Variants in GRIK2 observed in about 807,000 individuals in gnomAD.
GRIK2 encodes glutamate ionotropic receptor kainate type subunit 2, also known as glutamate receptor ionotropic, kainate 2.
In GRIK2, 32 loss-of-function variants were observed where a neutral mutation model predicts 100.3. The ratio of observed to expected loss-of-function variants is 0.32; its 90% confidence interval spans 0.24 to 0.43. The LOEUF is 0.43. GRIK2 is among the 20% of genes least tolerant of loss of function. The pLI is 1.00. For missense variants in GRIK2, 843 were observed against 1,114.9 expected (o/e 0.76, Z 3.47); for synonymous variants, 417 against 389.4 (o/e 1.07, Z -0.83).
chr6:101,963,979 C>A (rs1215043803), intron 14 of GRIK2, among the ~76,000 whole-genome samples: 1 of 151,738 alleles, frequency 6.6e-6, no homozygotes, highest in Non-Finnish European at 1.5e-5. Flanking sequence ...TGCACCACTG[C>A]TCTGGAGCTA....
chr6:101,560,708 A>G (rs1465289426), intron 2 of GRIK2, among the ~76,000 whole-genome samples: 1 of 81,452 alleles, frequency 1.2e-5, no homozygotes, highest in East Asian at 2.6e-4. Context: ...TGCCCTTTGT[A>G]TCAGTAAATT....
intron 2 of GRIK2, among the ~76,000 whole-genome samples, chr6:101,605,136 TG>T (rs752824687): frequency 4.1e-4 from 63 of 152,142 alleles, no homozygotes; most frequent in Non-Finnish European, 7.8e-4. Context: ...GCATATGTTG[TG>T]GCTGAAATAC....
chr6:101,745,973 T>C (rs1776396843), intron 7 of GRIK2, among the ~76,000 whole-genome samples: 1 of 152,198 alleles, frequency 6.6e-6, no homozygotes, highest in Non-Finnish European at 1.5e-5. Flanking sequence ...TTATTCAGAA[T>C]GTCAAGATAA....
intron 10 of GRIK2, among the ~76,000 whole-genome samples, chr6:101,845,500 T>A (rs1007532471): frequency 1.3e-5 from 2 of 152,204 alleles, no homozygotes; most frequent in African/African-American, 4.8e-5. Context: ...ACTTCAATAC[T>A]TTTATGATTA....
At chr6:101,765,801 G>A (rs7739324) in intron 7 of GRIK2, among the ~76,000 whole-genome samples, 1 of 152,036 alleles carries the variant, frequency 6.6e-6, no homozygotes, top group Non-Finnish European at 1.5e-5. Flanking sequence ...GGTTTCATCT[G>A]AGTGCATGTG....
intron 14 of GRIK2, among the ~76,000 whole-genome samples, chr6:102,029,929 A>G (rs1178113237): frequency 6.6e-6 from 1 of 151,268 alleles, no homozygotes; most frequent in African/African-American, 2.4e-5. Flanking sequence ...GTATCTACAT[A>G]CATATATATA....
chr6:101,982,877 G>A (rs1367929605), intron 14 of GRIK2, among the ~76,000 whole-genome samples: 1 of 151,650 alleles, frequency 6.6e-6, no homozygotes, highest in Non-Finnish European at 1.5e-5. Flanking sequence ...GCCAAACATG[G>A]TTTGGCTCCT....
chr6:101,897,582 G>A (rs1478603476), intron 12 of GRIK2, among the ~76,000 whole-genome samples: 1 of 151,592 alleles, frequency 6.6e-6, no homozygotes, highest in East Asian at 1.9e-4. Flanking sequence ...CAAAATCAGT[G>A]GCTTTAAAAA....
chr6:101,834,025 C>A (rs1475376277), intron 10 of GRIK2, among the ~76,000 whole-genome samples: 1 of 151,996 alleles, frequency 6.6e-6, no homozygotes, highest in African/African-American at 2.4e-5. Flanking sequence ...AGAAATGCTT[C>A]AGTAGCTTTC....
intron 14 of GRIK2, among the ~76,000 whole-genome samples, chr6:102,006,385 T>C (rs1795228618): frequency 8.5e-6 from 1 of 117,176 alleles, no homozygotes; most frequent in Non-Finnish European, 1.6e-5. Flanking sequence ...TATATATATA[T>C]ATATATTTTT....
intron 2 of GRIK2, among the ~76,000 whole-genome samples, chr6:101,506,261 CT>C (rs573653965): frequency 1.3e-5 from 2 of 151,992 alleles, no homozygotes; most frequent in South Asian, 2.1e-4. Flanking sequence ...ACTAGTGGGA[CT>C]TTTTTTCTTC....
intron 2 of GRIK2, among the ~76,000 whole-genome samples, chr6:101,471,693 T>C (rs992873371): frequency 1.3e-5 from 2 of 152,014 alleles, no homozygotes; most frequent in African/African-American, 4.8e-5. Flanking sequence ...CCTTAAAATA[T>C]GATACATTTA....
intron 7 of GRIK2, among the ~76,000 whole-genome samples, chr6:101,794,508 T>C (rs990401034): frequency 1.3e-5 from 2 of 152,218 alleles, no homozygotes; most frequent in Non-Finnish European, 2.9e-5. Context: ...TATCGTTTGT[T>C]CCCTTCTTTC....
At chr6:102,036,355 A>T (rs1450346995) in intron 15 of GRIK2, among the ~76,000 whole-genome samples, 1 of 151,290 alleles carries the variant, frequency 6.6e-6, no homozygotes. Context: ...AGAACCTTTG[A>T]ATATGTTACT....
intron 16 of GRIK2, among the ~76,000 whole-genome samples, chr6:102,056,188 A>G (rs9498828): frequency 0.025 from 3,776 of 151,904 alleles, 154 homozygotes; most frequent in African/African-American, 0.087. Flanking sequence ...TTTGTACCAG[A>G]GTCCTTCTAA....
chr6:101,493,347 T>C (rs1005472817), intron 2 of GRIK2, among the ~76,000 whole-genome samples: 1 of 151,854 alleles, frequency 6.6e-6, no homozygotes, highest in Non-Finnish European at 1.5e-5. Context: ...GACAAAAAAA[T>C]TTTAGGAGCA....
chr6:101,590,129 C>T (rs1471891794), intron 2 of GRIK2, among the ~76,000 whole-genome samples: 1 of 151,958 alleles, frequency 6.6e-6, no homozygotes, highest in Admixed American at 6.6e-5. Context: ...GCTTGTTTTT[C>T]CTCAATTTGT....
At chr6:101,796,278 C>A (rs1780298461) in intron 7 of GRIK2, among the ~76,000 whole-genome samples, 1 of 152,078 alleles carries the variant, frequency 6.6e-6, no homozygotes, top group African/African-American at 2.4e-5. Context: ...AGGAGAGTGC[C>A]TCACACACAG....
intron 7 of GRIK2, among the ~76,000 whole-genome samples, chr6:101,753,390 G>C (rs1399916555): frequency 6.6e-6 from 1 of 151,934 alleles, no homozygotes; most frequent in East Asian, 1.9e-4. Context: ...AAGAAGCAAG[G>C]GCATTTTAAA....
Sources: allele counts gnomAD v4.1 joint callset (sites outside exome capture counted in the v4.1 genomes callset), GRCh38; gene constraint gnomAD v4.1.1; transcripts MANE v1.5; gene names NCBI Gene and HGNC (gene_info 2026-07-23, HGNC 2026-07-21).